ADPRHL1: variants seen among roughly 807,000 people sequenced by gnomAD.
The protein encoded by ADPRHL1 is ADP-ribosylhydrolase like 1, also known as inactive ADP-ribosyltransferase ARH2.
ADPRHL1 carries 43 observed loss-of-function variants against 44.1 expected under a neutral mutation model. The ratio of observed to expected loss-of-function variants is 0.98; its 90% CI spans 0.76 to 1.26. The LOEUF is 1.26. ADPRHL1 is among the 50% of genes most tolerant of loss of function. The probability of loss-of-function intolerance (pLI) is 0.00; values close to 1 mark genes in which losing one functional copy is unlikely to be tolerated. For synonymous variants in ADPRHL1, 878 were observed against 1,017.4 expected (o/e 0.86, Z 2.61); for missense variants, 2,022 against 2,496.9 (o/e 0.81, Z 4.05).
rs1018645 is a variant in ADPRHL1, at chr13:113,403,037, G to A, written c.*341C>T. 4 of 184,848 alleles carry A rather than the reference G, an allele frequency of 2.2e-5. No individual in the cohort carries two copies. Among genetic ancestry groups the A allele is most frequent in the Non-Finnish European group, 4.4e-5 (4 of 90,142 alleles). 11.5% of individuals were successfully genotyped at this position (184,848 alleles called of 1,614,324 possible). A position where few individuals can be genotyped will look rare whatever the true frequency, so the allele number is the denominator to read the frequency against. On this transcript the variant is annotated 3_prime_UTR_variant, in exon 8 of 8. Coordinates refer to ENST00000612156, the MANE Select transcript of ADPRHL1 (RefSeq NM_001394807.1). The stretch of plus-strand genomic sequence containing the variant: ...GCAGATCGAAGGGGACGCACACACC[G>A]TGCCACTGCGGGAGGTGTGAGCTCC...
intron 2 of ADPRHL1, among the ~76,000 whole-genome samples, chr13:113,442,192 A>G (rs9577271): frequency 0.18 from 27,683 of 152,218 alleles, 2,637 homozygotes; most frequent in Middle Eastern, 0.28. Flanking sequence ...ATGGTGGCTC[A>G]CACCGTAATC....
intron 5 of ADPRHL1, 22 bp downstream of exon 5, chr13:113,425,030 C>T (rs1410180515): frequency 6.2e-7 from 1 of 1,612,930 alleles, no homozygotes; most frequent in Non-Finnish European, 8.5e-7. Flanking sequence ...AGACATTGCC[C>T]CAGTGCCAGG....
chr13:113,429,084 C>T lies in ADPRHL1; in HGVS notation c.514G>A (p.Gly172Ser). ...ACAAACAGGGCCGTGCACAGGGAGC[C>T]CAGGAAGCCTGGAGGGCAGGGAAGA... ...MTHNHPTGFL[G>S]SLCTALFVSF... Residue 172 changes from glycine to serine, a missense_variant, in exon 4 of 8, where the codon GGC becomes AGC. Physicochemically the swap from Gly to Ser is moderately conservative, Grantham distance 56 (BLOSUM62 0). Transcript: ENST00000612156. 1 of 1,609,064 alleles carries T rather than the reference C, an allele frequency of 6.2e-7. No individual in the cohort carries two copies. The highest frequency in any genetic ancestry group is 8.5e-7 in the Non-Finnish European group (1 of 1,178,592).
Position 113,402,510 on chromosome 13 carries a change from T to C in ADPRHL1, c.*868A>G, listed in dbSNP as rs924386588. The C allele has an allele frequency of 1.6e-4, 25 of 152,388 alleles. No homozygotes were observed. The highest frequency in any genetic ancestry group is 5.5e-4 in the African/African-American group (23 of 41,564). The allele number at this position is 152,388 out of a possible 1,614,324, so 9.4% of individuals were successfully genotyped here. On this transcript the variant is annotated 3_prime_UTR_variant, in exon 8 of 8. Coordinates refer to ENST00000612156, the MANE Select transcript of ADPRHL1 (RefSeq NM_001394807.1). ...GCCAGGGCAGGAAACACTTCTATGC[T>C]GTTCGGGAGGACGGAGGACAGACAG...
At chr13:113,426,508 C>T (rs1241600593) in intron 4 of ADPRHL1, among the ~76,000 whole-genome samples, 3 of 152,218 alleles carry the variant, frequency 2.0e-5, no homozygotes, top group Admixed American at 6.5e-5. Context: ...GGGGAGGCTA[C>T]GCTCCTGCCA....
chr13:113,423,117 C>A (rs56133750), intron 6 of ADPRHL1, 138 bp from the exon 7 acceptor site: 5 of 1,229,284 alleles, frequency 4.1e-6, no homozygotes, highest in African/African-American at 1.5e-5. Context: ...GGCAGGCCAG[C>A]GCGGTGGCTC....
intron 2 of ADPRHL1, 35 bp from the exon 3 acceptor site, chr13:113,433,902 G>T: frequency 6.6e-7 from 1 of 1,504,164 alleles, no homozygotes. Flanking sequence ...TTAGACTTCT[G>T]CTCCAATAAT....
At chr13:113,420,822 T>TGTC (rs2043912081) in intron 7 of ADPRHL1, among the ~76,000 whole-genome samples, 1 of 151,870 alleles carries the variant, frequency 6.6e-6, no homozygotes, top group Non-Finnish European at 1.5e-5. Context: ...AAGCAAAGCG[T>TGTC]GTCCCTATCC....
intron 4 of ADPRHL1, among the ~76,000 whole-genome samples, chr13:113,428,701 C>T (rs1253178653): frequency 3.3e-5 from 5 of 152,250 alleles, no homozygotes; most frequent in Non-Finnish European, 7.3e-5. Context: ...AGGCAAATGT[C>T]CCCGGCAGGC....
Position 113,451,635 on chromosome 13 carries a change from C to T in ADPRHL1, c.214+1589G>A, listed in dbSNP as rs190821342. Among the ~76,000 whole-genome samples the T allele has an allele frequency of 3.1e-3, 466 of 152,216 alleles. 4 individuals are homozygous for T. Among genetic ancestry groups the T allele is most frequent in the African/African-American group, 0.01 (433 of 41,524 alleles). ...CCAGCCTGGACAACGTGGTGAAACC[C>T]CGTCTCTACTAAAAATACAAAAATC... is the stretch of plus-strand genomic sequence containing the variant. On this transcript the variant is annotated intron_variant, in intron 1 of 7. Transcript: ENST00000612156.
intron 7 of ADPRHL1, among the ~76,000 whole-genome samples, chr13:113,420,470 G>C (rs528579906): frequency 2.0e-5 from 3 of 152,166 alleles, no homozygotes; most frequent in Non-Finnish European, 4.4e-5. Context: ...CCCACTTTCC[G>C]GTAAGCGGGC....
rs1186062775 is a variant in ADPRHL1 at position 113,409,269 on chromosome 13, C to T, written c.1062-1049G>A. The T allele has an allele frequency of 4.1e-6, 4 of 984,546 alleles. No homozygotes were observed. Among genetic ancestry groups the T allele is most frequent in the Non-Finnish European group, 4.8e-6 (4 of 829,310 alleles). The allele number at this position is 984,546 out of a possible 1,614,324, so 61.0% of individuals were successfully genotyped here. ...CACAGGAGCAAAGCTGGAAGGTCTCCCCATCTGTGGCAGGGGGTGGAGCCG... is the reference window on the plus strand; with the variant it reads ...CACAGGAGCAAAGCTGGAAGGTCTCTCCATCTGTGGCAGGGGGTGGAGCCG... On this transcript the variant is annotated intron_variant, in intron 7 of 7. Transcript: ENST00000612156. This position sits in a 1 kb window ranked among gnomAD's most constrained non-coding sequence, Gnocchi z 4.2.
rs186145325 is a variant in ADPRHL1 at position 113,402,280 on chromosome 13, C to T, written c.*1098G>A. On this transcript the variant is annotated 3_prime_UTR_variant, in exon 8 of 8. Transcript: ENST00000612156. ...GCGACACGGAGGTGCATGGCTCCAT[C>T]ATGGGGAAGAATGTGCTTTAAAATA... 180 of 152,304 alleles carry T rather than the reference C, an allele frequency of 1.2e-3. No individual in the cohort carries two copies. The highest frequency in any genetic ancestry group is 4.0e-3 in the African/African-American group (167 of 41,540). The allele number at this position is 152,304 out of a possible 1,614,324, so 9.4% of individuals were successfully genotyped here. A position where few individuals can be genotyped will look rare whatever the true frequency, so the allele number is the denominator to read the frequency against.
intron 7 of ADPRHL1, chr13:113,410,209 G>A (rs1000819291): frequency 4.5e-5 from 37 of 830,612 alleles, no homozygotes; most frequent in Non-Finnish European, 5.1e-5. Flanking sequence ...TTCCCGAGAC[G>A]CCTCCCTCGC....
chr13:113,407,444 C>T lies in ADPRHL1; in HGVS notation c.1838G>A (p.Cys613Tyr). The T allele has an allele frequency of 1.6e-6, 2 of 1,232,016 alleles. No homozygotes were observed. The highest frequency in any genetic ancestry group is 2.0e-6 in the Non-Finnish European group (2 of 988,036). 76.3% of individuals were successfully genotyped at this position (1,232,016 alleles called of 1,614,324 possible). Reference protein sequence around the residue: ...VKMPPARFLACTAEPLPALSI... With the variant: ...VKMPPARFLAYTAEPLPALSI... ...GAGGGCCGGCAGGGGCTCAGCCGTG[C>T]AGGCCAGAAAGCGGGCAGGGGGCAT... Residue 613 changes from cysteine (C) to tyrosine (Y), a missense_variant, in exon 8 of 8, where the codon TGC (cysteine) becomes TAC (tyrosine). Transcript: ENST00000612156.
In ADPRHL1 at chr13:113,453,222, A is replaced by G. The variant is rs1431309915; in HGVS notation, c.214+2T>C. The G allele has an allele frequency of 1.9e-6, 3 of 1,613,880 alleles. No individual in the cohort carries two copies. Among genetic ancestry groups the G allele is most frequent in the Non-Finnish European group, 2.5e-6 (3 of 1,179,966 alleles). ...CACCGGAGCGCGGTGGGCCCAGCCT[A>G]CCTGTGGTGAGGGCCTCGGCGGTTG... is the stretch of plus-strand genomic sequence containing the variant. On this transcript the variant is annotated splice_donor_variant, in intron 1 of 7. Transcript: ENST00000612156. LOFTEE classifies it high-confidence loss of function. This position sits in a 1 kb window ranked among gnomAD's most constrained non-coding sequence, Gnocchi z 5.4.
intron 2 of ADPRHL1, 72 bp downstream of exon 2, chr13:113,444,353 G>C: frequency 4.5e-6 from 7 of 1,552,422 alleles, no homozygotes; most frequent in Non-Finnish European, 6.1e-6. Flanking sequence ...GGGGTTAGTG[G>C]AAGGCAGATG....
At chr13:113,449,916 CTG>C (rs1012739031) in intron 1 of ADPRHL1, among the ~76,000 whole-genome samples, 5 of 152,174 alleles carry the variant, frequency 3.3e-5, no homozygotes, top group African/African-American at 1.2e-4. Flanking sequence ...ACTCGCTGGG[CTG>C]TGTGGCACTG....
At chr13:113,433,303 G>T (rs953643260) in intron 3 of ADPRHL1, among the ~76,000 whole-genome samples, 4 of 152,120 alleles carry the variant, frequency 2.6e-5, no homozygotes, top group Non-Finnish European at 5.9e-5. Context: ...ACAAACCCTT[G>T]TCCCCAGGGT....
Sources: allele counts gnomAD v4.1 joint callset (sites outside exome capture counted in the v4.1 genomes callset), GRCh38; gene constraint gnomAD v4.1.1; non-coding constraint Gnocchi (gnomAD v3.1); transcripts MANE v1.5; gene names NCBI Gene and HGNC (gene_info 2026-07-23, HGNC 2026-07-21).